Variants in PLCB1 observed in about 807,000 individuals in gnomAD.
PLCB1 encodes phospholipase C beta 1, also known as 1-phosphatidylinositol 4,5-bisphosphate phosphodiesterase beta-1.
Under a neutral mutation model 161.8 loss-of-function variants are expected in PLCB1, and 46 were observed. That is an observed-to-expected ratio of 0.28 (90% CI 0.22 to 0.36). The LOEUF (loss-of-function observed/expected upper bound fraction) is 0.36, where lower values mean the gene tolerates loss of function less well. PLCB1 is among the 10% of genes least tolerant of loss of function. The pLI is 1.00. For synonymous variants in PLCB1, 517 were observed against 503.7 expected (o/e 1.03, Z -0.35); for missense variants, 1,016 against 1,472.5 (o/e 0.69, Z 5.07).
intron 11 of PLCB1, among the ~76,000 whole-genome samples, chr20:8,702,418 T>C (rs144128000): frequency 2.8e-4 from 43 of 152,318 alleles, no homozygotes; most frequent in African/African-American, 1.0e-3. Context: ...GATGGAAAAC[T>C]GGATAATGTA....
intron 2 of PLCB1, among the ~76,000 whole-genome samples, chr20:8,276,992 A>C (rs199685629): frequency 0.047 from 5,011 of 106,884 alleles, 85 homozygotes; most frequent in East Asian, 0.074. Flanking sequence ...TCTTCTTATT[A>C]TTATTATTAT....
chr20:8,777,520 A>G (rs1442752096), intron 27 of PLCB1, among the ~76,000 whole-genome samples: 1 of 152,034 alleles, frequency 6.6e-6, no homozygotes, highest in African/African-American at 2.4e-5. Context: ...GGAGTTCAAG[A>G]CCAGCCTGGG....
intron 2 of PLCB1, among the ~76,000 whole-genome samples, chr20:8,292,115 C>A (rs967887686): frequency 7.2e-5 from 11 of 152,090 alleles, no homozygotes; most frequent in Non-Finnish European, 1.5e-4. Context: ...GCTTATGACC[C>A]TCTGTGGTAA....
intron 3 of PLCB1, among the ~76,000 whole-genome samples, chr20:8,472,986 A>G (rs1982120430): frequency 6.6e-6 from 1 of 152,190 alleles, no homozygotes; most frequent in Non-Finnish European, 1.5e-5. Context: ...ATCTACAAAC[A>G]GAGACATCCA....
intron 3 of PLCB1, among the ~76,000 whole-genome samples, chr20:8,393,776 G>A (rs1296583155): frequency 6.6e-6 from 1 of 151,978 alleles, no homozygotes; most frequent in Non-Finnish European, 1.5e-5. Context: ...CATCTCATAG[G>A]ATTAATATAA....
At chr20:8,661,228 A>T (rs1989611794) in intron 9 of PLCB1, among the ~76,000 whole-genome samples, 1 of 152,052 alleles carries the variant, frequency 6.6e-6, no homozygotes, top group South Asian at 2.1e-4. Context: ...TCATGATGAA[A>T]TCCTTAATGT....
intron 3 of PLCB1, among the ~76,000 whole-genome samples, chr20:8,436,503 T>G (rs1050964608): frequency 6.6e-6 from 1 of 152,136 alleles, no homozygotes; most frequent in African/African-American, 2.4e-5. Flanking sequence ...GGGAAGAGAT[T>G]GTTAATTTAA....
intron 2 of PLCB1, among the ~76,000 whole-genome samples, chr20:8,368,523 T>A: frequency 9.4e-6 from 1 of 106,622 alleles, no homozygotes; most frequent in East Asian, 2.4e-4. Context: ...TGAGACTCTG[T>A]CTCTCAAAAA....
intron 4 of PLCB1, among the ~76,000 whole-genome samples, chr20:8,629,839 TTCTTTC>T (rs1568535942): frequency 8.5e-5 from 8 of 94,414 alleles, no homozygotes; most frequent in African/African-American, 3.8e-4. Context: ...CTTTCTTTCT[TTCTTTC>T]TTTCTTTCTT....
rs550761569 is a variant in PLCB1, at chr20:8,843,774, A to G, written c.3424-37848A>G. Among the ~76,000 whole-genome samples, 3 of 152,260 alleles carry G rather than the reference A, an allele frequency of 2.0e-5. No individual in the cohort carries two copies. The East Asian group carries it at 5.8e-4, about 29-fold the overall frequency. ...GACTTTATTATTTTCAAAACTCCTC[A>G]CTTAACACTTTGATACAGGAATCCA... On this transcript the variant is annotated intron_variant, in intron 31 of 31. Coordinates refer to ENST00000338037, the MANE Select transcript of PLCB1 (RefSeq NM_015192.4).
intron 2 of PLCB1, among the ~76,000 whole-genome samples, chr20:8,363,074 T>G (rs1218489143): frequency 6.6e-6 from 1 of 152,132 alleles, no homozygotes; most frequent in Non-Finnish European, 1.5e-5. Context: ...TTGCAGTCAT[T>G]TTTATGCAGG....
At chr20:8,715,176 A>G (rs930794521) in intron 12 of PLCB1, among the ~76,000 whole-genome samples, 1 of 152,272 alleles carries the variant, frequency 6.6e-6, no homozygotes, top group African/African-American at 2.4e-5. Flanking sequence ...TTCAAAATCC[A>G]TAAAACCCAA....
chr20:8,720,347 T>C (rs1406193314), intron 14 of PLCB1, among the ~76,000 whole-genome samples: 1 of 152,222 alleles, frequency 6.6e-6, no homozygotes, highest in Non-Finnish European at 1.5e-5. Flanking sequence ...GTAGATTTCC[T>C]AAGCTAGCCC....
intron 2 of PLCB1, among the ~76,000 whole-genome samples, chr20:8,181,248 C>CAAAAAAAAAAAAAAA (rs60871672): frequency 2.5e-5 from 2 of 81,314 alleles, no homozygotes; most frequent in Non-Finnish European, 2.7e-5. Flanking sequence ...GACTCTGTCT[C>CAAAAAAAAAAAAAAA]AAAAAAAAAA....
At position 8,294,845 on chromosome 20, in the gene PLCB1, A is replaced by C. The variant is rs184229627; in HGVS notation, c.178-76537A>C. 2.6e-5 allele frequency among the ~76,000 whole-genome samples: 4 copies of C among 152,064 alleles called. No homozygotes were observed. The East Asian group carries it at 7.8e-4, about 30-fold the overall frequency. On this transcript the variant is annotated intron_variant, in intron 2 of 31. Coordinates refer to ENST00000338037, the MANE Select transcript of PLCB1 (RefSeq NM_015192.4). ...CCAAGGGATCTGCACAAGAATGATG[A>C]TAGTAATATGTTAATAATGTCAACT...
At chr20:8,780,740 C>T (rs1040494) in intron 27 of PLCB1, among the ~76,000 whole-genome samples, 96,560 of 151,870 alleles carry the variant, frequency 0.64, 31,021 homozygotes, top group Non-Finnish European at 0.67. Flanking sequence ...CAATCAGGTG[C>T]TGAGTGGGGG....
chr20:8,221,087 A>G (rs1979382396), intron 2 of PLCB1, among the ~76,000 whole-genome samples: 1 of 152,170 alleles, frequency 6.6e-6, no homozygotes, highest in Non-Finnish European at 1.5e-5. Context: ...TTGAAGGTTA[A>G]ATGAAATATT....
intron 31 of PLCB1, among the ~76,000 whole-genome samples, chr20:8,880,010 G>T (rs145752397): frequency 6.6e-6 from 1 of 152,180 alleles, no homozygotes; most frequent in South Asian, 2.1e-4. Flanking sequence ...ATTGAGAAAC[G>T]CAGGAGCTCA....
At chr20:8,700,870 A>G (rs1276566374) in intron 11 of PLCB1, among the ~76,000 whole-genome samples, 1 of 152,236 alleles carries the variant, frequency 6.6e-6, no homozygotes, top group Non-Finnish European at 1.5e-5. Flanking sequence ...AGATGTGGGT[A>G]GGTGACAGTG....
Sources: gnomAD v4.1 joint callset for allele counts (sites outside exome capture counted in the v4.1 genomes callset) on GRCh38, gnomAD v4.1.1 for gene constraint, MANE v1.5 for transcripts, NCBI Gene and HGNC (gene_info 2026-07-23, HGNC 2026-07-21) for gene names.